Variants in STARD13 observed in about 807,000 individuals in gnomAD.
STARD13 encodes stAR-related lipid transfer protein 13.
STARD13 carries 62 observed loss-of-function variants against 106.4 expected under a neutral mutation model. The ratio of observed to expected loss-of-function variants is 0.58; its 90% confidence interval spans 0.48 to 0.72. STARD13 has a LOEUF of 0.72. STARD13 is among the 30% of genes least tolerant of loss of function. STARD13 has a pLI of 0.00. For missense variants in STARD13, 1,387 were observed against 1,424.0 expected, an observed-to-expected ratio of 0.97 and a Z score of 0.42; for synonymous variants, 565 against 553.0, an observed-to-expected ratio of 1.02 and a Z score of -0.31.
rs536920407 is a variant in STARD13 at position 33,141,626 on chromosome 13, G to A, written c.387+684C>T. On this transcript the variant is annotated intron_variant, in intron 4 of 13. Transcript: ENST00000336934. ...CCAGAGTTCAGGATCTTGTCACACC[G>A]TCCCTGGGCCCCCTCATACATTATC... Among the ~76,000 whole-genome samples, 7 of 152,180 alleles carry A rather than the reference G, an allele frequency of 4.6e-5. No homozygotes were observed. In the East Asian group the frequency reaches 1.2e-3, roughly 25 times the overall value.
the STARD13 span, among the ~76,000 whole-genome samples, chr13:33,471,205 G>A: frequency 2.0e-5 from 3 of 152,144 alleles, no homozygotes; most frequent in African/African-American, 2.4e-5. Flanking sequence ...ATATGTATAA[G>A]ATTTTAAGCC....
At chr13:33,206,605 G>A (rs568065522) in intron 1 of STARD13, among the ~76,000 whole-genome samples, 1 of 152,302 alleles carries the variant, frequency 6.6e-6, no homozygotes, top group East Asian at 1.9e-4. Context: ...CAATGAACTT[G>A]GTGAATCAGG....
chr13:33,290,514 G>C (rs1305388345), upstream of STARD13, among the ~76,000 whole-genome samples: 1 of 152,218 alleles, frequency 6.6e-6, no homozygotes, highest in Non-Finnish European at 1.5e-5. Context: ...TGGCAGCTTT[G>C]ACCAGGACTC....
intron 1 of STARD13, among the ~76,000 whole-genome samples, chr13:33,188,795 C>A (rs1043736476): frequency 2.6e-5 from 4 of 152,214 alleles, no homozygotes; most frequent in African/African-American, 4.8e-5. Context: ...CAGATGGGTA[C>A]AATTTCCTGG....
At chr13:33,507,834 A>G in the STARD13 span, among the ~76,000 whole-genome samples, 1 of 152,152 alleles carries the variant, frequency 6.6e-6, no homozygotes, top group African/African-American at 2.4e-5. Flanking sequence ...GAGAAAATAT[A>G]TTTATTATTG....
chr13:33,369,956 A>G, the STARD13 span, among the ~76,000 whole-genome samples: 8 of 152,232 alleles, frequency 5.3e-5, no homozygotes, highest in Non-Finnish European at 1.0e-4. Flanking sequence ...AGCTTAAAAT[A>G]TTAGAAATAA....
At chr13:33,390,612 C>T in the STARD13 span, among the ~76,000 whole-genome samples, 118 of 152,252 alleles carry the variant, frequency 7.8e-4, 2 homozygotes, top group African/African-American at 2.7e-3. Context: ...GGAAATATAA[C>T]TCAGGACACA....
At chr13:33,326,041 C>T (rs1444615246) in intron 1 of STARD13, among the ~76,000 whole-genome samples, 3 of 144,578 alleles carry the variant, frequency 2.1e-5, no homozygotes, top group Admixed American at 2.1e-4. Context: ...ATATATAATT[C>T]ATCAACCGGT....
chr13:33,567,778 A>G, the STARD13 span, among the ~76,000 whole-genome samples: 38 of 148,140 alleles, frequency 2.6e-4, 2 homozygotes, highest in African/African-American at 8.7e-4. Flanking sequence ...ACTTATTGAA[A>G]CACTTGTAAT....
rs539211366 is a variant in STARD13, at chr13:33,210,370, A to G, written c.170-42748T>C. ...GTGTGCTCCCTTTACAGTGCAATAA[A>G]AAAACTGCACTTAATGCCCAAATGC... On this transcript the variant is annotated intron_variant, in intron 1 of 13. Coordinates refer to ENST00000336934, the MANE Select transcript of STARD13 (RefSeq NM_178006.4). Among the ~76,000 whole-genome samples the G allele has an allele frequency of 1.8e-3, 273 of 152,346 alleles. 1 individual carries two copies. The highest frequency in any genetic ancestry group is 5.8e-3 in the South Asian group (28 of 4,830).
rs1053783719 is a variant in STARD13, at chr13:33,261,879, G to A, written c.169+23591C>T. ...AGAACAGTTAAAACACTGTATGCAC[G>A]GGTTGCTTGGGTTCGGAAGGCAGGG... is the stretch of plus-strand genomic sequence containing the variant. On this transcript the variant is annotated intron_variant, in intron 1 of 13. Coordinates refer to ENST00000336934, the MANE Select transcript of STARD13 (RefSeq NM_178006.4). 3.9e-5 allele frequency among the ~76,000 whole-genome samples: 6 copies of A among 152,128 alleles called. 1 individual carries two copies. The highest frequency in any genetic ancestry group is 4.2e-4 in the South Asian group (2 of 4,818).
chr13:33,528,257 C>CATATATATGTATATATAT, the STARD13 span, among the ~76,000 whole-genome samples: 21 of 92,894 alleles, frequency 2.3e-4, no homozygotes, highest in East Asian at 5.2e-3. Context: ...TATATATATA[C>CATATATATGTATATATAT]ATATATATAT....
chr13:33,470,342 G>T, the STARD13 span, among the ~76,000 whole-genome samples: 1 of 152,116 alleles, frequency 6.6e-6, no homozygotes, highest in African/African-American at 2.4e-5. Flanking sequence ...ATTTGGGTTG[G>T]TTCCAAGTCT....
At chr13:33,291,238 G>T (rs1892280286) in intron 1 of STARD13, among the ~76,000 whole-genome samples, 1 of 152,186 alleles carries the variant, frequency 6.6e-6, no homozygotes, top group Admixed American at 6.5e-5. Context: ...TTTTGAATCA[G>T]GCAGGACAAA....
At chr13:33,294,268 C>T (rs1018109762) in intron 1 of STARD13, among the ~76,000 whole-genome samples, 7 of 152,248 alleles carry the variant, frequency 4.6e-5, no homozygotes, top group Non-Finnish European at 1.0e-4. Context: ...GATACCTCTT[C>T]TGAGGGACTT....
At chr13:33,363,700 A>G in the STARD13 span, among the ~76,000 whole-genome samples, 1 of 152,150 alleles carries the variant, frequency 6.6e-6, no homozygotes, top group Non-Finnish European at 1.5e-5. Flanking sequence ...CTAAAGTTAC[A>G]CCTAAGCCCC....
chr13:33,300,155 T>C (rs1892655869), intron 1 of STARD13, among the ~76,000 whole-genome samples: 1 of 152,260 alleles, frequency 6.6e-6, no homozygotes, highest in Admixed American at 6.5e-5. Context: ...TAGTTCATTT[T>C]TCTGCATCTC....
At chr13:33,417,312 G>A in the STARD13 span, among the ~76,000 whole-genome samples, 1 of 152,150 alleles carries the variant, frequency 6.6e-6, no homozygotes, top group South Asian at 2.1e-4. Context: ...GAAATAGTTT[G>A]GCTTTCTCTT....
chr13:33,375,538 G>T, the STARD13 span, among the ~76,000 whole-genome samples: 5 of 152,104 alleles, frequency 3.3e-5, no homozygotes, highest in Admixed American at 6.6e-5. Flanking sequence ...CAACAGGGCT[G>T]GGGGAGGCCT....
Sources: allele counts gnomAD v4.1 joint callset (sites outside exome capture counted in the v4.1 genomes callset), GRCh38; gene constraint gnomAD v4.1.1; transcripts MANE v1.5; gene names NCBI Gene and HGNC (gene_info 2026-07-23, HGNC 2026-07-21).